APLP2: variants seen among roughly 807,000 people sequenced by gnomAD.
APLP2 encodes the protein amyloid beta precursor like protein 2.
APLP2 carries 53 observed loss-of-function variants against 89.9 expected under a neutral mutation model. The ratio of observed to expected loss-of-function variants is 0.59; its 90% CI spans 0.47 to 0.74. The LOEUF (loss-of-function observed/expected upper bound fraction) is 0.74, where lower values mean the gene tolerates loss of function less well. Among genes scored for constraint, APLP2 ranks in the 30% least tolerant of loss-of-function variants. The probability of loss-of-function intolerance (pLI) is 0.00; values close to 1 mark genes in which losing one functional copy is unlikely to be tolerated. For missense variants in APLP2, 973 were observed against 975.9 expected, an observed-to-expected ratio of 1.00 and a Z score of 0.04; for synonymous variants, 372 against 348.6, an observed-to-expected ratio of 1.07 and a Z score of -0.75.
Position 130,142,006 on chromosome 11 carries a change from G to A in APLP2, c.2086G>A (p.Val696Ile). ...LLVIAVAIATVIVISLVMLRK... is the reference protein window; with the variant it reads ...LLVIAVAIATIIVISLVMLRK... ...GGTCATCGCAGTGGCCATTGCCACG[G>A]TCATCGTCATCAGCCTGGTGATGCT... Residue 696 changes from valine to isoleucine, a missense_variant, in exon 16 of 17, where the codon GTC becomes ATC. By Grantham distance (29) the Val-to-Ile change is conservative. Coordinates refer to ENST00000338167, the MANE Select transcript of APLP2 (RefSeq NM_001142276.2). 6.2e-7 allele frequency: 1 copy of A among 1,614,028 alleles called. No individual in the cohort carries two copies. Among genetic ancestry groups the A allele is most frequent in the South Asian group, 1.1e-5 (1 of 91,052 alleles).
At chr11:130,091,493 G>A (rs1945174776) in intron 1 of APLP2, among the ~76,000 whole-genome samples, 3 of 138,704 alleles carry the variant, frequency 2.2e-5, no homozygotes, top group South Asian at 2.2e-4. Flanking sequence ...CGGGCGGAGG[G>A]CTGACCCCCC....
rs756171117 is a variant in APLP2, at chr11:130,133,742, CTT to C, written c.1684+16_1684+17del. On this transcript the variant is annotated intron_variant, in intron 12 of 16. Transcript: ENST00000338167. ...AAGAGGAAATTGGTGGGTACCAGCT[CTT>C]TGTGTCAAGGTCATACGGGACTTCT... The C allele has an allele frequency of 1.3e-6, 2 of 1,593,966 alleles. No individual in the cohort carries two copies. The highest frequency in any genetic ancestry group is 1.7e-5 in the Admixed American group (1 of 59,980).
At position 130,133,568 on chromosome 11, in the gene APLP2, G is replaced by T. The variant is rs552039839; in HGVS notation, c.1585-61G>T. On this transcript the variant is annotated intron_variant, in intron 11 of 16. Coordinates refer to ENST00000338167, the MANE Select transcript of APLP2 (RefSeq NM_001142276.2). ...AGTTGTGTCGATGTTCCAGCTGCAA[G>T]TTCCCTCCTGGCCTAGTTGTTTTCA... is the stretch of plus-strand genomic sequence containing the variant. 123 of 1,259,550 alleles carry T rather than the reference G, an allele frequency of 9.8e-5. No homozygotes were observed. The African/African-American group carries it at 1.7e-3, about 17-fold the overall frequency. 78.0% of individuals were successfully genotyped at this position (1,259,550 alleles called of 1,614,324 possible).
chr11:130,092,326 C>G (rs1287725647), intron 1 of APLP2, among the ~76,000 whole-genome samples: 3 of 122,142 alleles, frequency 2.5e-5, no homozygotes, highest in African/African-American at 1.1e-4. Context: ...GGGTGGCGGC[C>G]GGGCAGAGGC....
At chr11:130,121,522 A>C in intron 4 of APLP2, 92 bp from the exon 5 acceptor site, 1 of 1,394,362 alleles carries the variant, frequency 7.2e-7, no homozygotes, top group Non-Finnish European at 9.4e-7. Context: ...AAGTGATTTG[A>C]TAAGGGTTTA....
chr11:130,127,849 C>G lies in APLP2; in HGVS notation c.1296+9C>G, dbSNP rs770417958. 7 of 1,612,426 alleles carry G rather than the reference C, an allele frequency of 4.3e-6. No individual in the cohort carries two copies. The highest frequency in any genetic ancestry group is 5.9e-6 in the Non-Finnish European group (7 of 1,178,618). The stretch of plus-strand genomic sequence containing the variant: ...GGCAGACTCTGATTCAGGTAAGATG[C>G]CTTCTCTGGGGACATAGCTTTCAGC... On this transcript the variant is annotated intron_variant, in intron 9 of 16. Coordinates refer to ENST00000338167, the MANE Select transcript of APLP2 (RefSeq NM_001142276.2).
intron 1 of APLP2, among the ~76,000 whole-genome samples, chr11:130,083,026 C>CTTTCTTTTTT (rs1943478647): frequency 1.4e-5 from 1 of 72,488 alleles, no homozygotes; most frequent in Non-Finnish European, 2.6e-5. Context: ...CTTTTCTTTT[C>CTTTCTTTTTT]TTTTTTTTTT....
At chr11:130,094,947 T>C (rs1430732347) in intron 1 of APLP2, among the ~76,000 whole-genome samples, 1 of 152,196 alleles carries the variant, frequency 6.6e-6, no homozygotes, top group Non-Finnish European at 1.5e-5. Context: ...CTGACTACAC[T>C]GAAGGGAATT....
At chr11:130,102,764 A>G (rs1947116334) in intron 1 of APLP2, among the ~76,000 whole-genome samples, 1 of 152,216 alleles carries the variant, frequency 6.6e-6, no homozygotes, top group African/African-American at 2.4e-5. Flanking sequence ...AAGCCATTTC[A>G]GGTTTTCGAC....
At chr11:130,134,276 G>A (rs1951277667) in intron 12 of APLP2, among the ~76,000 whole-genome samples, 3 of 152,170 alleles carry the variant, frequency 2.0e-5, no homozygotes, top group Non-Finnish European at 4.4e-5. Flanking sequence ...GTGAAAACTC[G>A]GGCAGAGTGC....
chr11:130,139,642 A>T (rs1952102534), intron 13 of APLP2: 1 of 152,232 alleles, frequency 6.6e-6, no homozygotes, highest in Non-Finnish European at 1.5e-5. Context: ...TTGCTCAGGC[A>T]GTGTCTGACC....
Position 130,109,476 on chromosome 11 carries a change from A to G in APLP2, c.153A>G (p.Gln51=), listed in dbSNP as rs1565576816. 2 of 1,613,742 alleles carry G rather than the reference A, an allele frequency of 1.2e-6. No individual in the cohort carries two copies. Among genetic ancestry groups the G allele is most frequent in the Non-Finnish European group, 1.7e-6 (2 of 1,179,910 alleles). Residue 51 remains glutamine, a synonymous_variant, in exon 2 of 17, where the codon CAA becomes CAG. Transcript: ENST00000338167. ...CAGGATTTGCTGTTGCTGAGCCTCAAATCGCAATGTTTTGTGGGAAGTTAA... is the reference window on the plus strand; with the variant it reads ...CAGGATTTGCTGTTGCTGAGCCTCAGATCGCAATGTTTTGTGGGAAGTTAA... The part of the protein sequence containing the change: ...AGTGFAVAEP[Q]IAMFCGKLNM...
At chr11:130,100,742 C>G (rs1191269089) in intron 1 of APLP2, among the ~76,000 whole-genome samples, 4 of 152,166 alleles carry the variant, frequency 2.6e-5, no homozygotes, top group Non-Finnish European at 5.9e-5. Flanking sequence ...TAATACCTAA[C>G]AGCCGGCATA....
At chr11:130,116,339 C>T (rs1365181192) in intron 3 of APLP2, among the ~76,000 whole-genome samples, 3 of 151,824 alleles carry the variant, frequency 2.0e-5, no homozygotes, top group Non-Finnish European at 4.4e-5. Flanking sequence ...TCTTGTAACC[C>T]CATACTATTC....
At chr11:130,074,171 T>C (rs1279164192) in intron 1 of APLP2, among the ~76,000 whole-genome samples, 1 of 152,206 alleles carries the variant, frequency 6.6e-6, no homozygotes, top group Non-Finnish European at 1.5e-5. Flanking sequence ...GACCCAATCA[T>C]GTTCTTTATA....
chr11:130,138,625 G>A (rs60275844), intron 13 of APLP2, among the ~76,000 whole-genome samples: 6,684 of 133,822 alleles, frequency 0.05, 524 homozygotes, highest in African/African-American at 0.17. Context: ...TCTTGCTGTT[G>A]CCCAGGCTGG....
At chr11:130,085,938 A>ATCTGT in intron 1 of APLP2, among the ~76,000 whole-genome samples, 1 of 152,328 alleles carries the variant, frequency 6.6e-6, no homozygotes, top group Admixed American at 6.5e-5. Context: ...TTGTTCATTC[A>ATCTGT]TCTGTTAATG....
rs762050043 is a variant in APLP2 at position 130,133,698 on chromosome 11, T to A, written c.1654T>A (p.Tyr552Asn). 1.5e-5 allele frequency: 24 copies of A among 1,613,988 alleles called. No homozygotes were observed. The highest frequency in any genetic ancestry group is 1.9e-5 in the Non-Finnish European group (22 of 1,179,948). Residue 552 changes from tyrosine to asparagine, a missense_variant, in exon 12 of 17, where the codon TAT becomes AAT. Tyr to Asn is a moderately radical substitution (Grantham distance 143). Coordinates refer to ENST00000338167, the MANE Select transcript of APLP2 (RefSeq NM_001142276.2). ...CCTCTCTCTGCTCTACAAAGTACCT[T>A]ATGTAGCCCAAGAAATTCAAGAGGA... The part of the protein sequence containing the change: ...QSLSLLYKVP[Y>N]VAQEIQEEID...
At chr11:130,125,116 A>G (rs1181390600) in intron 7 of APLP2, among the ~76,000 whole-genome samples, 2 of 152,214 alleles carry the variant, frequency 1.3e-5, no homozygotes, top group African/African-American at 4.8e-5. Flanking sequence ...AGAAGCATCA[A>G]GTTTACTTCC....
Sources: gnomAD v4.1 joint callset for allele counts (sites outside exome capture counted in the v4.1 genomes callset) on GRCh38, gnomAD v4.1.1 for gene constraint, MANE v1.5 for transcripts, NCBI Gene and HGNC (gene_info 2026-07-23, HGNC 2026-07-21) for gene names.